BRINP1: variants seen among roughly 807,000 people sequenced by gnomAD.
BRINP1 encodes the protein BMP/retinoic acid-inducible neural-specific protein 1.
In BRINP1, 17 loss-of-function variants were observed where a neutral mutation model predicts 72.9. The ratio of observed to expected loss-of-function variants is 0.23; its 90% confidence interval spans 0.16 to 0.35. The LOEUF is 0.35. Among genes scored for constraint, BRINP1 ranks in the 10% least tolerant of loss-of-function variants. The probability of loss-of-function intolerance (pLI) is 1.00; values close to 1 mark genes in which losing one functional copy is unlikely to be tolerated. For synonymous variants in BRINP1, 418 were observed against 378.5 expected, an observed-to-expected ratio of 1.10 and a Z score of -1.21; for missense variants, 850 against 1,001.6, an observed-to-expected ratio of 0.85 and a Z score of 2.04.
intron 7 of BRINP1, among the ~76,000 whole-genome samples, chr9:119,207,931 C>A (rs932738794): frequency 6.6e-6 from 1 of 152,094 alleles, no homozygotes; most frequent in Non-Finnish European, 1.5e-5. Flanking sequence ...TTTTAGAAAC[C>A]CTGGAGGCAC....
intron 2 of BRINP1, among the ~76,000 whole-genome samples, chr9:119,302,856 C>T (rs1830952957): frequency 6.6e-6 from 1 of 151,974 alleles, no homozygotes. Flanking sequence ...CAACACTCCT[C>T]ATACTAGGGG....
chr9:119,185,611 G>T (rs1404843345), intron 7 of BRINP1, among the ~76,000 whole-genome samples: 2 of 152,170 alleles, frequency 1.3e-5, no homozygotes, highest in African/African-American at 2.4e-5. Context: ...ACAGTAAGGG[G>T]GTGGTGAAAA....
At chr9:119,220,284 C>G (rs570879348) in intron 5 of BRINP1, among the ~76,000 whole-genome samples, 5 of 152,220 alleles carry the variant, frequency 3.3e-5, no homozygotes, top group African/African-American at 1.2e-4. Context: ...CAAGTTGGAT[C>G]TCTGGAGACC....
intron 2 of BRINP1, among the ~76,000 whole-genome samples, chr9:119,304,025 G>A (rs550111807): frequency 1.3e-5 from 2 of 151,494 alleles, no homozygotes; most frequent in Non-Finnish European, 2.9e-5. Context: ...GATTACAGGC[G>A]CCCACCACCG....
chr9:119,218,330 G>A (rs1588167769), intron 5 of BRINP1, among the ~76,000 whole-genome samples: 1 of 151,098 alleles, frequency 6.6e-6, no homozygotes, highest in Non-Finnish European at 1.5e-5. Flanking sequence ...TCAGCCTCCC[G>A]AGTAGGGTTT....
At chr9:119,214,253 C>T in intron 5 of BRINP1, 98 bp from the exon 6 acceptor site, 1 of 871,010 alleles carries the variant, frequency 1.1e-6, no homozygotes, top group Non-Finnish European at 1.8e-6. Context: ...GAAGCTGCTA[C>T]ATTTCTCCCT....
intron 2 of BRINP1, among the ~76,000 whole-genome samples, chr9:119,292,204 G>C (rs1304247372): frequency 1.3e-5 from 2 of 152,152 alleles, no homozygotes; most frequent in African/African-American, 4.8e-5. Flanking sequence ...GAGATATAAA[G>C]CTAGAACTAG....
intron 1 of BRINP1, among the ~76,000 whole-genome samples, chr9:119,327,070 C>A (rs1331260793): frequency 6.6e-6 from 1 of 152,176 alleles, no homozygotes; most frequent in Non-Finnish European, 1.5e-5. Flanking sequence ...GAAGATGAAG[C>A]AAAACCTCAG....
chr9:119,256,540 G>A (rs1320098654), intron 2 of BRINP1, among the ~76,000 whole-genome samples: 1 of 152,232 alleles, frequency 6.6e-6, no homozygotes, highest in Non-Finnish European at 1.5e-5. Context: ...TGCTGGAAGA[G>A]TTAGATGAAA....
At chr9:119,292,241 A>T (rs1830828202) in intron 2 of BRINP1, among the ~76,000 whole-genome samples, 1 of 152,194 alleles carries the variant, frequency 6.6e-6, no homozygotes, top group Admixed American at 6.5e-5. Flanking sequence ...GATCCATTCC[A>T]TGTTTTTCTA....
Position 119,275,485 on chromosome 9 carries a change from A to G in BRINP1, c.219-26335T>C, listed in dbSNP as rs1366304377. 3.3e-5 allele frequency among the ~76,000 whole-genome samples: 5 copies of G among 152,170 alleles called. No homozygotes were observed. In the South Asian group the frequency reaches 8.3e-4, roughly 25 times the overall value. ...CTGAGTCCAATAGGACTATATAGGTACTCTGTCCCAACTGATGGTTCTAAG... is the reference window on the plus strand; with the variant it reads ...CTGAGTCCAATAGGACTATATAGGTGCTCTGTCCCAACTGATGGTTCTAAG... On this transcript the variant is annotated intron_variant, in intron 2 of 7. Coordinates refer to ENST00000265922, the MANE Select transcript of BRINP1 (RefSeq NM_014618.3).
chr9:119,217,999 G>T (rs777639309), intron 5 of BRINP1, among the ~76,000 whole-genome samples: 2 of 151,734 alleles, frequency 1.3e-5, no homozygotes, highest in Non-Finnish European at 2.9e-5. Flanking sequence ...AGGTTAAAAG[G>T]CATCTTCAAT....
chr9:119,226,229 C>T (rs535189834), intron 5 of BRINP1, among the ~76,000 whole-genome samples: 4 of 152,098 alleles, frequency 2.6e-5, no homozygotes, highest in African/African-American at 9.6e-5. Context: ...AAAAAATAAA[C>T]AGGCACCATA....
chr9:119,302,904 C>T (rs1215508500), intron 2 of BRINP1, among the ~76,000 whole-genome samples: 4 of 152,026 alleles, frequency 2.6e-5, no homozygotes, highest in Non-Finnish European at 4.4e-5. Flanking sequence ...TCCCCCACTA[C>T]CCTACAAGTG....
chr9:119,278,836 C>T (rs556116969), intron 2 of BRINP1, among the ~76,000 whole-genome samples: 10 of 152,094 alleles, frequency 6.6e-5, no homozygotes, highest in East Asian at 1.9e-4. Context: ...TGCAGTGAGC[C>T]GAGATTGCGC....
chr9:119,217,971 C>T (rs1444338679), intron 5 of BRINP1, among the ~76,000 whole-genome samples: 1 of 152,036 alleles, frequency 6.6e-6, no homozygotes, highest in African/African-American at 2.4e-5. Context: ...GTCCTATAAT[C>T]CAGACCCTCC....
chr9:119,252,507 T>C (rs1007679508), intron 2 of BRINP1, among the ~76,000 whole-genome samples: 16 of 151,902 alleles, frequency 1.1e-4, no homozygotes, highest in African/African-American at 3.9e-4. Context: ...TATATGCATA[T>C]AAACATACTG....
intron 2 of BRINP1, among the ~76,000 whole-genome samples, chr9:119,266,148 G>A (rs752083304): frequency 6.6e-6 from 1 of 152,154 alleles, no homozygotes; most frequent in Non-Finnish European, 1.5e-5. Context: ...AGTCACAAGG[G>A]AGGGAGGTCC....
chr9:119,180,466 A>G (rs1264686977), intron 7 of BRINP1, among the ~76,000 whole-genome samples: 1 of 128,310 alleles, frequency 7.8e-6, no homozygotes, highest in Admixed American at 8.1e-5. Context: ...GCTGTGTGTG[A>G]CTCTCTCTGT....
Sources: allele counts gnomAD v4.1 joint callset (sites outside exome capture counted in the v4.1 genomes callset), GRCh38; gene constraint gnomAD v4.1.1; transcripts MANE v1.5; gene names NCBI Gene and HGNC (gene_info 2026-07-23, HGNC 2026-07-21).